The following SEL1L2 variants were observed in gnomAD, a reference collection of about 807,000 sequenced individuals.
SEL1L2 encodes protein sel-1 homolog 2.
Under a neutral mutation model 98.8 loss-of-function variants are expected in SEL1L2, and 89 were observed. That is an observed-to-expected ratio of 0.90 (90% CI 0.76 to 1.07). The LOEUF is 1.07. SEL1L2 is among the 50% of genes least tolerant of loss of function. The pLI is 0.00. For missense variants in SEL1L2, 788 were observed against 812.0 expected (o/e 0.97, Z 0.36); for synonymous variants, 262 against 278.5 (o/e 0.94, Z 0.59).
chr20:13,905,871 CTTTTTTTT>C (rs903449859), intron 5 of SEL1L2, among the ~76,000 whole-genome samples: 115 of 123,762 alleles, frequency 9.3e-4, no homozygotes, highest in African/African-American at 3.1e-3. Context: ...TTTTCTTTTC[CTTTTTTTT>C]TTTTTTTTTT....
intron 18 of SEL1L2, among the ~76,000 whole-genome samples, chr20:13,858,277 A>G (rs966137943): frequency 7.9e-5 from 12 of 152,290 alleles, no homozygotes; most frequent in Non-Finnish European, 1.3e-4. Flanking sequence ...AGGAAAGCCG[A>G]TAATTCCCAC....
At chr20:13,946,486 A>G (rs114648724) in intron 2 of SEL1L2, among the ~76,000 whole-genome samples, 2,197 of 152,374 alleles carry the variant, frequency 0.014, 46 homozygotes, top group African/African-American at 0.05. Flanking sequence ...AATAAATTAA[A>G]GAAGACACTA....
chr20:13,903,171 C>A (rs990145565), intron 5 of SEL1L2, among the ~76,000 whole-genome samples: 2 of 150,350 alleles, frequency 1.3e-5, no homozygotes, highest in Admixed American at 1.3e-4. Context: ...AGCTGATCAA[C>A]CACTTTTAAT....
intron 1 of SEL1L2, among the ~76,000 whole-genome samples, chr20:13,989,866 G>C (rs1483267641): frequency 1.3e-5 from 2 of 152,066 alleles, no homozygotes; most frequent in East Asian, 3.9e-4. Context: ...CAGTGAGAGT[G>C]CTGAATTCTA....
chr20:13,909,853 C>A (rs1459516915), intron 5 of SEL1L2, among the ~76,000 whole-genome samples: 2 of 151,986 alleles, frequency 1.3e-5, no homozygotes, highest in Non-Finnish European at 2.9e-5. Context: ...TAGTTCCGTT[C>A]CAGTTACTCA....
intron 5 of SEL1L2, among the ~76,000 whole-genome samples, chr20:13,911,161 C>G (rs377628253): frequency 2.6e-5 from 4 of 152,222 alleles, no homozygotes; most frequent in African/African-American, 9.6e-5. Context: ...GCACTTTATA[C>G]GCACCTTAAC....
intron 2 of SEL1L2, among the ~76,000 whole-genome samples, chr20:13,954,644 TC>T (rs1456099922): frequency 1.3e-5 from 2 of 152,172 alleles, no homozygotes; most frequent in Non-Finnish European, 2.9e-5. Context: ...AGGGGCCTAT[TC>T]CCATCTTTAC....
intron 14 of SEL1L2, among the ~76,000 whole-genome samples, chr20:13,867,602 T>C (rs919706376): frequency 1.3e-5 from 2 of 152,200 alleles, no homozygotes; most frequent in South Asian, 2.1e-4. Context: ...CTGGGCAAGA[T>C]GTCCAACCAC....
At position 13,849,467 on chromosome 20, in the gene SEL1L2, T is replaced by A. The variant is rs902839975; in HGVS notation, c.*18A>T. ...AGTGAACTGATTCCCGTGAGCAGGT[T>A]TTCCTGTGATCCGCATCCTACCCAT... On this transcript the variant is annotated 3_prime_UTR_variant, in exon 20 of 20. Transcript: ENST00000284951. 1 of 1,612,948 alleles carries A rather than the reference T, an allele frequency of 6.2e-7. No individual in the cohort carries two copies. The highest frequency in any genetic ancestry group is 8.5e-7 in the Non-Finnish European group (1 of 1,179,424).
intron 18 of SEL1L2, among the ~76,000 whole-genome samples, chr20:13,854,529 G>C (rs557934461): frequency 5.3e-4 from 80 of 152,220 alleles, no homozygotes; most frequent in Admixed American, 5.1e-3. Flanking sequence ...TCAAGTGTGC[G>C]TGTGCCTATA....
chr20:13,903,909 T>G (rs1568936909), intron 5 of SEL1L2, among the ~76,000 whole-genome samples: 1 of 152,198 alleles, frequency 6.6e-6, no homozygotes, highest in Non-Finnish European at 1.5e-5. Flanking sequence ...AGTTTATTAG[T>G]GTTACCACTC....
chr20:13,977,581 C>T (rs896681825), intron 1 of SEL1L2, among the ~76,000 whole-genome samples: 5 of 152,016 alleles, frequency 3.3e-5, no homozygotes, highest in African/African-American at 1.2e-4. Context: ...GACTTATGAA[C>T]CCTTATGTGC....
intron 10 of SEL1L2, among the ~76,000 whole-genome samples, chr20:13,883,785 T>G (rs2046820712): frequency 6.6e-6 from 1 of 152,244 alleles, no homozygotes; most frequent in Non-Finnish European, 1.5e-5. Flanking sequence ...AAGATTGGTT[T>G]GTCTTCCCTA....
At chr20:13,861,840 CACTCTG>C (rs1990190051) in intron 17 of SEL1L2, among the ~76,000 whole-genome samples, 1 of 152,164 alleles carries the variant, frequency 6.6e-6, no homozygotes, top group African/African-American at 2.4e-5. Flanking sequence ...AGGTTTGGAA[CACTCTG>C]ACTCTTCCCG....
At chr20:13,869,650 G>T in intron 13 of SEL1L2, 60 bp from the exon 14 acceptor site, 1 of 1,285,204 alleles carries the variant, frequency 7.8e-7, no homozygotes, top group Non-Finnish European at 1.1e-6. Context: ...GGAAACAATT[G>T]CCTTCCACTT....
chr20:13,926,133 A>AAC (rs1431259929), intron 3 of SEL1L2, among the ~76,000 whole-genome samples: 2 of 152,156 alleles, frequency 1.3e-5, no homozygotes, highest in Non-Finnish European at 2.9e-5. Flanking sequence ...CCTGGCTAGT[A>AAC]CGGTGAAACC....
chr20:13,911,619 A>C (rs941268830), intron 5 of SEL1L2, among the ~76,000 whole-genome samples: 6 of 152,230 alleles, frequency 3.9e-5, no homozygotes, highest in Non-Finnish European at 7.3e-5. Context: ...ATGTAAAAGC[A>C]GTATTCAGCA....
Position 13,869,579 on chromosome 20 carries a change from T to C in SEL1L2, c.1179A>G (p.Glu393=), listed in dbSNP as rs2046087104. Residue 393 remains glutamate (E), a synonymous_variant, in exon 14 of 20, where the codon GAA becomes GAG. Coordinates refer to ENST00000284951, the MANE Select transcript of SEL1L2 (RefSeq NM_025229.2). ...CAGCTTTCTGAAAGTATTTAAGTGC[T>C]TCGGCATAATTCTGCAAGATAATTA... ...HGKGVPLNYA[E]ALKYFQKAAE... 6.2e-7 allele frequency: 1 copy of C among 1,613,808 alleles called. No homozygotes were observed. Among genetic ancestry groups the C allele is most frequent in the African/African-American group, 1.3e-5 (1 of 74,924 alleles).
intron 2 of SEL1L2, among the ~76,000 whole-genome samples, chr20:13,943,264 G>A (rs1178307665): frequency 6.6e-6 from 1 of 152,166 alleles, no homozygotes; most frequent in Non-Finnish European, 1.5e-5. Flanking sequence ...AAGGAAAAAA[G>A]TGGCATGAGT....
Sources: gnomAD v4.1 joint callset for allele counts (sites outside exome capture counted in the v4.1 genomes callset) on GRCh38, gnomAD v4.1.1 for gene constraint, MANE v1.5 for transcripts, NCBI Gene and HGNC (gene_info 2026-07-23, HGNC 2026-07-21) for gene names.